SLC26A5: variants seen among roughly 807,000 people sequenced by gnomAD.
SLC26A5 encodes solute carrier family 26 member 5, also known as prestin.
In SLC26A5, 51 loss-of-function variants were observed where a neutral mutation model predicts 81.0. The observed-to-expected ratio is 0.63, with a 90% CI of 0.50 to 0.80. The LOEUF (loss-of-function observed/expected upper bound fraction) is 0.80. Ranked by LOEUF, SLC26A5 falls within the 30% of genes least tolerant of loss-of-function variation. SLC26A5 has a pLI of 0.00. For synonymous variants in SLC26A5, 325 were observed against 332.8 expected (o/e 0.98, Z 0.25); for missense variants, 771 against 905.8 (o/e 0.85, Z 1.91).
chr7:103,402,575 A>G (rs1351137790), intron 8 of SLC26A5, among the ~76,000 whole-genome samples: 1 of 151,148 alleles, frequency 6.6e-6, no homozygotes, highest in Non-Finnish European at 1.5e-5. Flanking sequence ...AATTTTTTTT[A>G]TTTTTAATAG....
intron 2 of SLC26A5, among the ~76,000 whole-genome samples, chr7:103,428,834 C>A (rs1825877449): frequency 6.6e-6 from 1 of 152,196 alleles, no homozygotes; most frequent in African/African-American, 2.4e-5. Flanking sequence ...TCCCAAAGTA[C>A]TGGGATTACA....
rs559683178 is a variant in SLC26A5, at chr7:103,380,992, C to T, written c.1515-443G>A. ...CATACCACATGTATAATGCACAATA[C>T]ATACCCCCACACACATGCATACACA... On this transcript the variant is annotated intron_variant, in intron 14 of 19. Transcript: ENST00000306312. Among the ~76,000 whole-genome samples, 5 of 151,480 alleles carry T rather than the reference C, an allele frequency of 3.3e-5. No homozygotes were observed. In the South Asian group the frequency reaches 1.0e-3, roughly 32 times the overall value.
In SLC26A5 at chr7:103,377,755, CTCT is replaced by C; in HGVS notation, c.1827_1829del (p.Glu610del). ...TTGGGGGATATTTTACTTCACCATC[CTCT>C]TCTTCAGGCTTGGTAGCATCCTCTC... On this transcript the variant is annotated inframe_deletion, in exon 18 of 20. Coordinates refer to ENST00000306312, the MANE Select transcript of SLC26A5 (RefSeq NM_198999.3). 1 of 1,614,076 alleles carries C rather than the reference CTCT, an allele frequency of 6.2e-7. No homozygotes were observed. The highest frequency in any genetic ancestry group is 8.5e-7 in the Non-Finnish European group (1 of 1,180,020).
chr7:103,384,021 C>T (rs1209098080), intron 14 of SLC26A5, among the ~76,000 whole-genome samples: 1 of 151,760 alleles, frequency 6.6e-6, no homozygotes, highest in East Asian at 1.9e-4. Flanking sequence ...GTGTGCCCAT[C>T]ATGGGAGGCT....
chr7:103,371,128 G>A (rs1204681765), downstream of SLC26A5, among the ~76,000 whole-genome samples: 1 of 152,162 alleles, frequency 6.6e-6, no homozygotes, highest in African/African-American at 2.4e-5. Flanking sequence ...ACATTCTGAC[G>A]TATTTACATA....
At chr7:103,380,721 T>A (rs926931985) in intron 14 of SLC26A5, among the ~76,000 whole-genome samples, 172 bp from the exon 15 acceptor site, 6 of 151,716 alleles carry the variant, frequency 4.0e-5, no homozygotes, top group African/African-American at 1.5e-4. Context: ...CCAGTGCCAT[T>A]CCAAGCCTAA....
intron 19 of SLC26A5, chr7:103,354,988 T>TA (rs902274739): frequency 7.7e-7 from 1 of 1,300,568 alleles, no homozygotes; most frequent in African/African-American, 1.5e-5. Flanking sequence ...CCTTTAAATG[T>TA]AATGTGTGAA....
intron 18 of SLC26A5, 77 bp downstream of exon 18, chr7:103,377,522 G>T (rs989073094): frequency 7.5e-7 from 1 of 1,338,900 alleles, no homozygotes; most frequent in East Asian, 2.3e-5. Context: ...AGAGAGCCTA[G>T]CCCACCTCCC....
Position 103,427,174 on chromosome 7 carries a change from A to T in SLC26A5, c.-53-5607T>A, listed in dbSNP as rs537210326. ...CTGCAACCTCTGCCTCCTGGGTTCA[A>T]GCGATTTTCCTGCCTCAGCCTCCCG... is the stretch of plus-strand genomic sequence containing the variant. On this transcript the variant is annotated intron_variant, in intron 2 of 19. Transcript: ENST00000306312. 4.5e-4 allele frequency among the ~76,000 whole-genome samples: 69 copies of T among 151,878 alleles called. 1 individual carries two copies. Among genetic ancestry groups the T allele is most frequent in the African/African-American group, 1.5e-3 (61 of 41,362 alleles).
At chr7:103,366,505 T>G (rs1033606818) in intron 19 of SLC26A5, among the ~76,000 whole-genome samples, 2 of 152,216 alleles carry the variant, frequency 1.3e-5, no homozygotes, top group Non-Finnish European at 1.5e-5. Context: ...TCTGAAAACC[T>G]GAAATCTAAA....
At chr7:103,396,652 C>T (rs113462059) in intron 9 of SLC26A5, among the ~76,000 whole-genome samples, 1,664 of 152,072 alleles carry the variant, frequency 0.011, 12 homozygotes, top group Non-Finnish European at 0.016. Flanking sequence ...GAAAGATGAA[C>T]GGTGGTTACT....
At chr7:103,414,894 G>T (rs1189516269) in intron 4 of SLC26A5, among the ~76,000 whole-genome samples, 2 of 152,120 alleles carry the variant, frequency 1.3e-5, no homozygotes, top group African/African-American at 4.8e-5. Flanking sequence ...GAGGGGAAAT[G>T]GATAGGGTTT....
chr7:103,364,388 T>C (rs2116248042), intron 19 of SLC26A5: 7 of 1,495,068 alleles, frequency 4.7e-6, no homozygotes, highest in Non-Finnish European at 6.4e-6. Flanking sequence ...CACTTCTGCA[T>C]TGAGGGATCC....
intron 2 of SLC26A5, among the ~76,000 whole-genome samples, chr7:103,434,177 C>T (rs529395964): frequency 5.9e-5 from 9 of 152,138 alleles, no homozygotes; most frequent in Non-Finnish European, 1.2e-4. Context: ...CAGAAGTAAA[C>T]GGCCTGAGTC....
At chr7:103,355,809 C>T in intron 19 of SLC26A5, 5 of 1,554,174 alleles carry the variant, frequency 3.2e-6, no homozygotes, top group Non-Finnish European at 4.4e-6. Context: ...CACGGGTGCT[C>T]TGTGGCAACT....
chr7:103,386,731 ATAC>A (rs778930311), intron 14 of SLC26A5, among the ~76,000 whole-genome samples: 11 of 152,094 alleles, frequency 7.2e-5, no homozygotes, highest in Admixed American at 2.6e-4. Flanking sequence ...CTCAAATTCT[ATAC>A]TGTAGCTTGT....
chr7:103,390,865 CTTT>C (rs532219107), intron 11 of SLC26A5, among the ~76,000 whole-genome samples: 9 of 134,596 alleles, frequency 6.7e-5, no homozygotes, highest in East Asian at 4.3e-4. Context: ...TGGCCATTTA[CTTT>C]TTTTTTTTTT....
At chr7:103,439,865 T>G (rs1331859778) in intron 2 of SLC26A5, among the ~76,000 whole-genome samples, 1 of 152,174 alleles carries the variant, frequency 6.6e-6, no homozygotes, top group Non-Finnish European at 1.5e-5. Flanking sequence ...TGCCAAGCAC[T>G]TGTCTGCCTC....
At chr7:103,407,703 C>G in intron 8 of SLC26A5, 148 bp downstream of exon 8, 1 of 842,778 alleles carries the variant, frequency 1.2e-6, no homozygotes, top group East Asian at 2.5e-5. Context: ...ACTTTCTTGT[C>G]AATGAATTTG....
Sources: allele counts gnomAD v4.1 joint callset (sites outside exome capture counted in the v4.1 genomes callset), GRCh38; gene constraint gnomAD v4.1.1; transcripts MANE v1.5; gene names NCBI Gene and HGNC (gene_info 2026-07-23, HGNC 2026-07-21).